The following CSNK2A2IP variants were observed in gnomAD, a reference collection of about 807,000 sequenced individuals.
CSNK2A2IP encodes casein kinase II subunit alpha'-interacting protein.
chr3:88,397,983 T>G, the CSNK2A2IP span, among the ~76,000 whole-genome samples: 1 of 152,112 alleles, frequency 6.6e-6, no homozygotes, highest in African/African-American at 2.4e-5. Flanking sequence ...TTATAGCAGC[T>G]TTTTGGATAG....
At chr3:88,433,698 T>A in the CSNK2A2IP span, among the ~76,000 whole-genome samples, 1 of 152,166 alleles carries the variant, frequency 6.6e-6, no homozygotes, top group African/African-American at 2.4e-5. Context: ...GCAGCTAGCA[T>A]CACAGTGAAA....
At chr3:88,441,658 T>G in the CSNK2A2IP span, among the ~76,000 whole-genome samples, 1 of 152,146 alleles carries the variant, frequency 6.6e-6, no homozygotes, top group Non-Finnish European at 1.5e-5. Context: ...TTTCCTTGTG[T>G]AGTTAGGTAG....
At chr3:88,344,663 A>G in the CSNK2A2IP span, among the ~76,000 whole-genome samples, 1 of 151,944 alleles carries the variant, frequency 6.6e-6, no homozygotes, top group Admixed American at 6.6e-5. Flanking sequence ...GCTGTCTCCC[A>G]TTCCATTGGA....
the CSNK2A2IP span, among the ~76,000 whole-genome samples, chr3:88,440,482 C>T: frequency 1.3e-5 from 2 of 151,910 alleles, no homozygotes; most frequent in East Asian, 3.9e-4. Flanking sequence ...GGAACTGCTC[C>T]AAAGAATATA....
At chr3:88,426,340 C>A in the CSNK2A2IP span, among the ~76,000 whole-genome samples, 3 of 152,136 alleles carry the variant, frequency 2.0e-5, no homozygotes, top group Admixed American at 1.3e-4. Flanking sequence ...TACTCCATAG[C>A]CTTTGGAGTT....
chr3:88,427,976 C>A, the CSNK2A2IP span, among the ~76,000 whole-genome samples: 1 of 152,062 alleles, frequency 6.6e-6, no homozygotes, highest in African/African-American at 2.4e-5. Flanking sequence ...TTGCACCATG[C>A]GCCTGGAAAA....
At chr3:88,366,863 C>T in the CSNK2A2IP span, among the ~76,000 whole-genome samples, 417 of 152,186 alleles carry the variant, frequency 2.7e-3, 1 homozygote, top group Middle Eastern at 6.8e-3. Flanking sequence ...CTGGGGAGGC[C>T]TCACAATCAT....
At chr3:88,455,538 A>G in the CSNK2A2IP span, among the ~76,000 whole-genome samples, 3 of 151,596 alleles carry the variant, frequency 2.0e-5, no homozygotes, top group Non-Finnish European at 4.4e-5. Context: ...TCCTTTGCCT[A>G]TTTTTCAATT....
At chr3:88,440,689 T>C in the CSNK2A2IP span, among the ~76,000 whole-genome samples, 2 of 152,190 alleles carry the variant, frequency 1.3e-5, no homozygotes, top group African/African-American at 2.4e-5. Flanking sequence ...ATGTAGAAAT[T>C]AAAGCTTTTT....
At chr3:88,409,401 G>A in the CSNK2A2IP span, among the ~76,000 whole-genome samples, 1 of 152,032 alleles carries the variant, frequency 6.6e-6, no homozygotes, top group African/African-American at 2.4e-5. Context: ...CCCAGAATCA[G>A]GATGGGCTAA....
chr3:88,437,165 G>T, the CSNK2A2IP span, among the ~76,000 whole-genome samples: 1 of 152,166 alleles, frequency 6.6e-6, no homozygotes, highest in African/African-American at 2.4e-5. Context: ...CAATGCCAGT[G>T]TAGTTTTTCA....
chr3:88,454,968 A>T, the CSNK2A2IP span, among the ~76,000 whole-genome samples: 1 of 150,752 alleles, frequency 6.6e-6, no homozygotes, highest in Non-Finnish European at 1.5e-5. Context: ...TTCACATATA[A>T]GTGAGATCAT....
At chr3:88,459,513 T>C in the CSNK2A2IP span, among the ~76,000 whole-genome samples, 1 of 152,116 alleles carries the variant, frequency 6.6e-6, no homozygotes, top group African/African-American at 2.4e-5. Context: ...TTTCTGCCTT[T>C]TCAAAGGTTA....
At chr3:88,465,722 T>C in the CSNK2A2IP span, 1 of 1,231,746 alleles carries the variant, frequency 8.1e-7, no homozygotes, top group Non-Finnish European at 1.0e-6. Flanking sequence ...AACTCTCATT[T>C]GTTGCACTCC....
the CSNK2A2IP span, among the ~76,000 whole-genome samples, chr3:88,418,657 C>A: frequency 6.6e-6 from 1 of 151,684 alleles, no homozygotes; most frequent in East Asian, 1.9e-4. Context: ...TTTTTCTTTC[C>A]AACTTTTATA....
the CSNK2A2IP span, among the ~76,000 whole-genome samples, chr3:88,399,384 T>C: frequency 1.3e-5 from 2 of 152,190 alleles, no homozygotes; most frequent in African/African-American, 4.8e-5. Context: ...GAAGTGATTA[T>C]CCAGGATCAG....
At chr3:88,366,667 T>C in the CSNK2A2IP span, among the ~76,000 whole-genome samples, 2 of 151,994 alleles carry the variant, frequency 1.3e-5, no homozygotes, top group East Asian at 1.9e-4. Context: ...GTGGTTATAT[T>C]GAAGGAGGGG....
chr3:88,410,582 A>G, the CSNK2A2IP span, among the ~76,000 whole-genome samples: 2 of 152,062 alleles, frequency 1.3e-5, no homozygotes, highest in African/African-American at 2.4e-5. Flanking sequence ...GACTTTGGTT[A>G]TTATCTTTAA....
chr3:88,437,183 G>A, the CSNK2A2IP span, among the ~76,000 whole-genome samples: 1 of 152,080 alleles, frequency 6.6e-6, no homozygotes, highest in Non-Finnish European at 1.5e-5. Flanking sequence ...TCACACTTAT[G>A]TACATTTTCA....
Sources: gnomAD v4.1 joint callset for allele counts (sites outside exome capture counted in the v4.1 genomes callset) on GRCh38, gnomAD v4.1.1 for gene constraint, MANE v1.5 for transcripts, NCBI Gene and HGNC (gene_info 2026-07-23, HGNC 2026-07-21) for gene names.